DENND4C: variants seen among roughly 807,000 people sequenced by gnomAD.
The protein encoded by DENND4C is DENN domain containing 4C.
DENND4C carries 108 observed loss-of-function variants against 203.0 expected under a neutral mutation model. The ratio of observed to expected loss-of-function variants is 0.53; its 90% CI spans 0.46 to 0.62. The LOEUF is 0.62. Among genes scored for constraint, DENND4C ranks in the 20% least tolerant of loss-of-function variants. The pLI is 0.00. For missense variants in DENND4C, 2,481 were observed against 2,301.2 expected (o/e 1.08, Z -1.60); for synonymous variants, 871 against 792.4 (o/e 1.10, Z -1.67).
chr9:19,332,720 C>T (rs376100393), intron 17 of DENND4C, among the ~76,000 whole-genome samples: 14 of 148,446 alleles, frequency 9.4e-5, no homozygotes, highest in South Asian at 2.2e-4. Context: ...GGCTGGAGTG[C>T]GGTTGTGTGA....
chr9:19,363,626 TG>T (rs1826985266), intron 30 of DENND4C, among the ~76,000 whole-genome samples: 1 of 152,204 alleles, frequency 6.6e-6, no homozygotes, highest in African/African-American at 2.4e-5. Flanking sequence ...CATATGAATT[TG>T]GGGGTGACAC....
At position 19,286,091 on chromosome 9, in the gene DENND4C, G is replaced by A. The variant is rs545090886; in HGVS notation, c.306-678G>A. ...CATTGAATTTATTGATCTATTTGAG[G>A]GTATTGCCAAAGGCAGCTGGAATTT... On this transcript the variant is annotated intron_variant, in intron 2 of 32. Transcript: ENST00000434457. 4.0e-4 allele frequency among the ~76,000 whole-genome samples: 61 copies of A among 152,192 alleles called. 1 individual carries two copies. In the South Asian group the frequency reaches 0.011, roughly 28 times the overall value.
chr9:19,262,076 CTTTTTTTTTTT>C (rs60223074), intron 1 of DENND4C, among the ~76,000 whole-genome samples: 16 of 55,448 alleles, frequency 2.9e-4, no homozygotes, highest in South Asian at 1.1e-3. Flanking sequence ...TTTATTAGTT[CTTTTTTTTTTT>C]TTTTTTTTTT....
At chr9:19,275,081 G>GATTC in intron 1 of DENND4C, among the ~76,000 whole-genome samples, 1 of 151,920 alleles carries the variant, frequency 6.6e-6, no homozygotes, top group South Asian at 2.1e-4. Context: ...AGGTTCAAGC[G>GATTC]ATTCTCCTGC....
At chr9:19,309,061 G>A (rs1406352444) in intron 10 of DENND4C, among the ~76,000 whole-genome samples, 4 of 152,228 alleles carry the variant, frequency 2.6e-5, no homozygotes, top group African/African-American at 9.6e-5. Flanking sequence ...GCCTTGGAAT[G>A]AAGAGGATGG....
chr9:19,325,731 C>T (rs920653276), intron 13 of DENND4C, among the ~76,000 whole-genome samples: 10 of 152,088 alleles, frequency 6.6e-5, no homozygotes, highest in Non-Finnish European at 5.9e-5. Flanking sequence ...AACAACTAAT[C>T]AAAATAGTTT....
At chr9:19,365,242 G>GT (rs952190709) in intron 30 of DENND4C, among the ~76,000 whole-genome samples, 1 of 152,156 alleles carries the variant, frequency 6.6e-6, no homozygotes, top group African/African-American at 2.4e-5. Context: ...TGCAATTGTG[G>GT]TTTAACATTT....
intron 6 of DENND4C, among the ~76,000 whole-genome samples, chr9:19,296,552 A>G (rs1034198878): frequency 6.6e-6 from 1 of 151,838 alleles, no homozygotes; most frequent in South Asian, 2.1e-4. Context: ...ACAAGGTTTC[A>G]CCATCTTGGC....
intron 1 of DENND4C, among the ~76,000 whole-genome samples, chr9:19,254,927 G>A (rs1161825433): frequency 6.7e-6 from 1 of 149,926 alleles, no homozygotes; most frequent in African/African-American, 2.5e-5. Flanking sequence ...GAGGTCAGGA[G>A]TTCAGGACCA....
intron 1 of DENND4C, among the ~76,000 whole-genome samples, chr9:19,251,131 C>T (rs1448483619): frequency 6.6e-6 from 1 of 152,250 alleles, no homozygotes; most frequent in Non-Finnish European, 1.5e-5. Context: ...TTTCTTCCTG[C>T]CCATCCAGGC....
intron 26 of DENND4C, among the ~76,000 whole-genome samples, chr9:19,354,718 G>A (rs969604286): frequency 6.6e-6 from 1 of 151,116 alleles, no homozygotes; most frequent in Admixed American, 6.6e-5. Flanking sequence ...GCTAATTTTT[G>A]TAATTTTTGT....
intron 17 of DENND4C, among the ~76,000 whole-genome samples, chr9:19,333,051 C>T (rs776095079): frequency 9.9e-5 from 15 of 151,252 alleles, no homozygotes; most frequent in Non-Finnish European, 1.8e-4. Context: ...TATATATACT[C>T]GTGCCCAAGC....
intron 3 of DENND4C, among the ~76,000 whole-genome samples, chr9:19,287,311 A>G (rs1835385080): frequency 6.6e-6 from 1 of 152,212 alleles, no homozygotes; most frequent in Non-Finnish European, 1.5e-5. Context: ...CTTCAGGGAC[A>G]ACTGTGGGGT....
At chr9:19,267,416 A>G (rs552353192) in intron 1 of DENND4C, among the ~76,000 whole-genome samples, 6 of 152,284 alleles carry the variant, frequency 3.9e-5, no homozygotes, top group Non-Finnish European at 7.3e-5. Flanking sequence ...TGATACAAGT[A>G]TACCTACTCC....
At chr9:19,253,317 A>T (rs1417365852) in intron 1 of DENND4C, among the ~76,000 whole-genome samples, 4 of 152,202 alleles carry the variant, frequency 2.6e-5, no homozygotes. Context: ...ACAACTCTTA[A>T]TATCATGCCC....
chr9:19,350,065 A>C (rs900934542), intron 23 of DENND4C, among the ~76,000 whole-genome samples: 32 of 152,166 alleles, frequency 2.1e-4, no homozygotes, highest in Non-Finnish European at 1.5e-5. Flanking sequence ...TTTTTAAAGC[A>C]AAAAAACCTG....
Position 19,345,973 on chromosome 9 carries a change from C to G in DENND4C, c.3204C>G (p.Val1068=). 6.2e-7 allele frequency: 1 copy of G among 1,613,966 alleles called. No homozygotes were observed. The highest frequency in any genetic ancestry group is 8.5e-7 in the Non-Finnish European group (1 of 1,180,026). The change falls in exon 23 of 33, where the codon GTC becomes GTG. Residue 1068 remains valine (V), a synonymous_variant. Transcript: ENST00000434457. ...CTCAAGATCCAGTTGAAGATGCAGT[C>G]TTTGGCGAAGCTACTAATCTCAAGA... ...FSTQDPVEDA[V]FGEATNLKKN...
At chr9:19,279,657 A>G (rs1271891442) in intron 2 of DENND4C, among the ~76,000 whole-genome samples, 1 of 151,634 alleles carries the variant, frequency 6.6e-6, no homozygotes, top group Non-Finnish European at 1.5e-5. Context: ...AGTCTGGGCA[A>G]CAGAGTGAAA....
chr9:19,332,884 G>A (rs1328592477), intron 17 of DENND4C, among the ~76,000 whole-genome samples: 2 of 150,898 alleles, frequency 1.3e-5, no homozygotes, highest in African/African-American at 4.9e-5. Flanking sequence ...ACAGGCATGA[G>A]CCACTGTGGC....
Sources: gnomAD v4.1 joint callset for allele counts (sites outside exome capture counted in the v4.1 genomes callset) on GRCh38, gnomAD v4.1.1 for gene constraint, MANE v1.5 for transcripts, NCBI Gene and HGNC (gene_info 2026-07-23, HGNC 2026-07-21) for gene names.